ARHGEF38: variants seen among roughly 807,000 people sequenced by gnomAD.
The protein encoded by ARHGEF38 is Rho guanine nucleotide exchange factor (GEF) 38.
ARHGEF38 carries 79 observed loss-of-function variants against 79.9 expected under a neutral mutation model. The observed-to-expected ratio is 0.99, with a 90% confidence interval of 0.82 to 1.19. ARHGEF38 has a LOEUF of 1.19. ARHGEF38 is among the 50% of genes most tolerant of loss of function. ARHGEF38 has a pLI of 0.00. For missense variants in ARHGEF38, 962 were observed against 907.2 expected (o/e 1.06, Z -0.78); for synonymous variants, 366 against 328.3 (o/e 1.11, Z -1.24).
At chr4:105,655,478 T>C in intron 8 of ARHGEF38, 125 bp from the exon 9 acceptor site, 1 of 974,202 alleles carries the variant, frequency 1.0e-6, no homozygotes, top group Non-Finnish European at 1.5e-6. Context: ...AAATGTTTGT[T>C]GTTCCTTTTT....
intron 1 of ARHGEF38, among the ~76,000 whole-genome samples, chr4:105,568,886 T>G (rs1726074231): frequency 6.6e-6 from 1 of 152,178 alleles, no homozygotes; most frequent in Admixed American, 6.5e-5. Context: ...AAAATTATTT[T>G]TAGGGTGAGG....
intron 13 of ARHGEF38, among the ~76,000 whole-genome samples, chr4:105,670,513 G>T (rs796176161): frequency 6.6e-6 from 1 of 151,750 alleles, no homozygotes; most frequent in African/African-American, 2.4e-5. Flanking sequence ...CCCATTGTAA[G>T]AGTTCTTTAT....
intron 2 of ARHGEF38, among the ~76,000 whole-genome samples, chr4:105,610,348 A>C (rs1179593321): frequency 6.6e-6 from 1 of 152,128 alleles, no homozygotes; most frequent in East Asian, 1.9e-4. Context: ...TTTAAAAAAG[A>C]AACATTAGCC....
chr4:105,583,978 T>C (rs185347079), intron 1 of ARHGEF38, among the ~76,000 whole-genome samples: 1 of 152,292 alleles, frequency 6.6e-6, no homozygotes, highest in Admixed American at 6.5e-5. Flanking sequence ...TCTGGATATG[T>C]TTCCTGAGTA....
At position 105,552,841 on chromosome 4, in the gene ARHGEF38, C is replaced by G. The variant is rs138889321; in HGVS notation, c.76C>G (p.Leu26Val). The G allele has an allele frequency of 3.3e-5, 54 of 1,613,884 alleles. No individual in the cohort carries two copies. The African/African-American group carries it at 6.8e-4, about 20-fold the overall frequency. ...GAATCTGGCCTTCTTGAGGTCTAGA[C>G]TCTATATGCTGGAGAGAAGGAAGAC... ...KKNLAFLRSR[L>V]YMLERRKTDT... Residue 26 changes from leucine to valine, a missense_variant, in exon 1 of 14, where the codon CTC (leucine) becomes GTC (valine). Transcript: ENST00000420470.
chr4:105,622,935 T>C (rs1728797041), intron 3 of ARHGEF38, among the ~76,000 whole-genome samples: 1 of 152,130 alleles, frequency 6.6e-6, no homozygotes, highest in African/African-American at 2.4e-5. Context: ...TACCAGAGAT[T>C]TGGGGAAAGG....
chr4:105,593,586 A>C (rs895850986), intron 2 of ARHGEF38, among the ~76,000 whole-genome samples: 5 of 152,060 alleles, frequency 3.3e-5, no homozygotes, highest in African/African-American at 1.2e-4. Context: ...TATACAAGAA[A>C]AGTCTTTCTT....
intron 1 of ARHGEF38, among the ~76,000 whole-genome samples, chr4:105,553,172 A>T (rs1382667687): frequency 6.6e-6 from 1 of 152,104 alleles, no homozygotes; most frequent in Non-Finnish European, 1.5e-5. Context: ...TCAATTCCGA[A>T]TTACTCTTAA....
intron 7 of ARHGEF38, among the ~76,000 whole-genome samples, chr4:105,651,021 C>A (rs1181455613): frequency 6.6e-6 from 1 of 152,158 alleles, no homozygotes; most frequent in Non-Finnish European, 1.5e-5. Context: ...ACAATTCCCC[C>A]CCCAAGTCTT....
chr4:105,651,556 C>T (rs1345451963), intron 7 of ARHGEF38, among the ~76,000 whole-genome samples: 2 of 152,160 alleles, frequency 1.3e-5, no homozygotes, highest in Non-Finnish European at 2.9e-5. Context: ...TTCTTTAACT[C>T]CCCATATTAA....
intron 2 of ARHGEF38, among the ~76,000 whole-genome samples, chr4:105,604,179 T>TG (rs1431312909): frequency 6.6e-6 from 1 of 152,104 alleles, no homozygotes; most frequent in Non-Finnish European, 1.5e-5. Context: ...TTCATGTGTG[T>TG]GGGGAAGGGA....
chr4:105,622,950 T>C (rs1192279434), intron 3 of ARHGEF38, among the ~76,000 whole-genome samples: 1 of 152,180 alleles, frequency 6.6e-6, no homozygotes, highest in Non-Finnish European at 1.5e-5. Flanking sequence ...GAAAGGTCAA[T>C]ATTTTTAACT....
chr4:105,644,188 C>A (rs527627916), intron 5 of ARHGEF38, among the ~76,000 whole-genome samples: 6 of 152,176 alleles, frequency 3.9e-5, no homozygotes, highest in South Asian at 4.2e-4. Context: ...TCTAATGATG[C>A]AACTTTTCTA....
intron 10 of ARHGEF38, among the ~76,000 whole-genome samples, chr4:105,662,320 TA>T (rs1259589137): frequency 6.6e-6 from 1 of 152,136 alleles, no homozygotes; most frequent in Non-Finnish European, 1.5e-5. Flanking sequence ...TTTGTTGAGA[TA>T]AAAATTGAGA....
chr4:105,581,043 AAG>A (rs1330972890), intron 1 of ARHGEF38, among the ~76,000 whole-genome samples: 14 of 152,078 alleles, frequency 9.2e-5, no homozygotes, highest in Non-Finnish European at 1.6e-4. Context: ...TGTAAGGAAG[AAG>A]CATTATTTGA....
chr4:105,629,057 TA>T (rs202074476), intron 3 of ARHGEF38, among the ~76,000 whole-genome samples: 2 of 151,814 alleles, frequency 1.3e-5, no homozygotes, highest in South Asian at 4.2e-4. Flanking sequence ...TAATTTATTT[TA>T]AAAAAAATCA....
intron 3 of ARHGEF38, among the ~76,000 whole-genome samples, chr4:105,624,232 A>AT (rs968411860): frequency 6.6e-6 from 1 of 152,182 alleles, no homozygotes; most frequent in Non-Finnish European, 1.5e-5. Flanking sequence ...CTGAAAAAAA[A>AT]TTTTTACCAG....
intron 7 of ARHGEF38, among the ~76,000 whole-genome samples, chr4:105,650,443 A>G (rs1421291659): frequency 6.6e-6 from 1 of 152,174 alleles, no homozygotes; most frequent in East Asian, 1.9e-4. Flanking sequence ...AGTACCAGCA[A>G]CTAGAGATTA....
chr4:105,570,283 C>A (rs1726155317), intron 1 of ARHGEF38: 1 of 152,074 alleles, frequency 6.6e-6, no homozygotes, highest in Non-Finnish European at 1.5e-5. Context: ...TTATTATAGG[C>A]TTATCACAAT....
Sources: allele counts gnomAD v4.1 joint callset (sites outside exome capture counted in the v4.1 genomes callset), GRCh38; gene constraint gnomAD v4.1.1; transcripts MANE v1.5; gene names NCBI Gene and HGNC (gene_info 2026-07-23, HGNC 2026-07-21).